MIS18A: variants seen among roughly 807,000 people sequenced by gnomAD.
The protein encoded by MIS18A is protein Mis18-alpha.
MIS18A carries 14 observed loss-of-function variants against 25.0 expected under a neutral mutation model. The observed-to-expected ratio is 0.56, with a 90% confidence interval of 0.37 to 0.88. MIS18A has a LOEUF of 0.88. MIS18A is among the 40% of genes least tolerant of loss of function. MIS18A has a pLI of 0.00. For synonymous variants in MIS18A, 134 were observed against 118.6 expected (o/e 1.13, Z -0.84); for missense variants, 292 against 290.8 (o/e 1.00, Z -0.03).
the MIS18A span, among the ~76,000 whole-genome samples, chr21:32,211,477 C>T: frequency 2.0e-5 from 3 of 152,250 alleles, no homozygotes; most frequent in Non-Finnish European, 4.4e-5. Context: ...TATTACTTAA[C>T]TGCCACCTCA....
intron 4 of MIS18A, 26 bp from the exon 5 acceptor site, chr21:32,269,143 T>G (rs1569013411): frequency 1.4e-6 from 2 of 1,478,412 alleles, no homozygotes; most frequent in South Asian, 2.5e-5. Flanking sequence ...AATAAAAAAA[T>G]AAAGAAACAC....
At chr21:32,278,594 C>T in intron 1 of MIS18A, 87 bp downstream of exon 1, 8 of 1,330,992 alleles carry the variant, frequency 6.0e-6, no homozygotes, top group Non-Finnish European at 7.0e-6. Context: ...CCCCAAGGAG[C>T]CCCCGCCTCC....
chr21:32,204,229 T>C, the MIS18A span, among the ~76,000 whole-genome samples: 1 of 152,056 alleles, frequency 6.6e-6, no homozygotes, highest in African/African-American at 2.4e-5. Flanking sequence ...CCAGGCACAG[T>C]GGCTCACGCC....
the MIS18A span, among the ~76,000 whole-genome samples, chr21:32,184,721 C>T: frequency 7.2e-5 from 11 of 152,292 alleles, no homozygotes; most frequent in African/African-American, 1.4e-4. Context: ...CGCTCATCCC[C>T]GCCCACTACA....
At chr21:32,175,753 T>C in the MIS18A span, among the ~76,000 whole-genome samples, 1 of 151,776 alleles carries the variant, frequency 6.6e-6, no homozygotes, top group African/African-American at 2.4e-5. Flanking sequence ...GAGGTTTCAG[T>C]GAGCCAAGAT....
At chr21:32,159,252 C>A in the MIS18A span, among the ~76,000 whole-genome samples, 2 of 152,276 alleles carry the variant, frequency 1.3e-5, no homozygotes, top group East Asian at 3.9e-4. Flanking sequence ...ACATTTACCT[C>A]ATTAATTTTG....
At chr21:32,232,214 T>G in the MIS18A span, among the ~76,000 whole-genome samples, 1 of 152,026 alleles carries the variant, frequency 6.6e-6, no homozygotes, top group African/African-American at 2.4e-5. Context: ...ACCATGAAGA[T>G]CTATATATTC....
the MIS18A span, among the ~76,000 whole-genome samples, chr21:32,184,326 A>C: frequency 6.6e-6 from 1 of 152,250 alleles, no homozygotes; most frequent in Non-Finnish European, 1.5e-5. Context: ...TCTCACTTCC[A>C]TACTGAGAAG....
chr21:32,194,927 C>A, the MIS18A span, among the ~76,000 whole-genome samples: 1 of 152,046 alleles, frequency 6.6e-6, no homozygotes. Flanking sequence ...GATGAAACAC[C>A]ATCTGTTAGC....
At chr21:32,275,518 G>T (rs920548598) in intron 1 of MIS18A, among the ~76,000 whole-genome samples, 17 of 152,112 alleles carry the variant, frequency 1.1e-4, no homozygotes, top group Non-Finnish European at 5.9e-5. Flanking sequence ...TCTTTTACTT[G>T]AACAATGACT....
the MIS18A span, among the ~76,000 whole-genome samples, chr21:32,191,219 A>G: frequency 1.3e-5 from 2 of 152,214 alleles, no homozygotes; most frequent in Admixed American, 6.5e-5. Context: ...GTGCCCCCAC[A>G]ATATCTTTTC....
At chr21:32,236,828 A>G in the MIS18A span, among the ~76,000 whole-genome samples, 1 of 152,198 alleles carries the variant, frequency 6.6e-6, no homozygotes, top group African/African-American at 2.4e-5. Context: ...CCATGAGTCC[A>G]GCTACCAATG....
chr21:32,222,782 T>G, the MIS18A span, among the ~76,000 whole-genome samples: 1 of 151,432 alleles, frequency 6.6e-6, no homozygotes, highest in Non-Finnish European at 1.5e-5. Context: ...TACAAAAAAA[T>G]TAGCCAGGTG....
chr21:32,183,160 A>G, the MIS18A span, among the ~76,000 whole-genome samples: 1 of 152,186 alleles, frequency 6.6e-6, no homozygotes. Flanking sequence ...ACTCACACAC[A>G]CCAACTTCTT....
the MIS18A span, among the ~76,000 whole-genome samples, chr21:32,216,588 G>A: frequency 2.0e-5 from 3 of 152,218 alleles, no homozygotes; most frequent in African/African-American, 7.2e-5. Flanking sequence ...CTTGTTCAAA[G>A]AGAGCTTTTA....
chr21:32,187,074 G>A, the MIS18A span, among the ~76,000 whole-genome samples: 59 of 152,218 alleles, frequency 3.9e-4, no homozygotes, highest in African/African-American at 1.3e-3. Flanking sequence ...GCCTGACACC[G>A]GTGCAGCTGG....
At chr21:32,238,091 T>C in the MIS18A span, among the ~76,000 whole-genome samples, 2 of 152,198 alleles carry the variant, frequency 1.3e-5, no homozygotes, top group African/African-American at 2.4e-5. Flanking sequence ...AGAATGGCAG[T>C]GTCTCCACAC....
intron 2 of MIS18A, among the ~76,000 whole-genome samples, chr21:32,272,129 G>T (rs2031726106): frequency 6.6e-6 from 1 of 152,202 alleles, no homozygotes. Flanking sequence ...CAAGAATTTG[G>T]CCAGCATTCA....
chr21:32,273,106 A>AC (rs2031743011), intron 2 of MIS18A, among the ~76,000 whole-genome samples: 1 of 150,062 alleles, frequency 6.7e-6, no homozygotes, highest in East Asian at 1.9e-4. Context: ...AAATGGAGAA[A>AC]CTTTTTTTCT....
Sources: allele counts gnomAD v4.1 joint callset (sites outside exome capture counted in the v4.1 genomes callset), GRCh38; gene constraint gnomAD v4.1.1; transcripts MANE v1.5; gene names NCBI Gene and HGNC (gene_info 2026-07-23, HGNC 2026-07-21).